The following ZFAND3 variants were observed in gnomAD, a reference collection of about 807,000 sequenced individuals.
ZFAND3 encodes AN1-type zinc finger protein 3.
ZFAND3 carries 10 observed loss-of-function variants against 29.6 expected under a neutral mutation model. The observed-to-expected ratio is 0.34, with a 90% CI of 0.21 to 0.57. The LOEUF is 0.57. ZFAND3 is among the 20% of genes least tolerant of loss of function. The pLI is 0.86. For synonymous variants in ZFAND3, 128 were observed against 112.6 expected (o/e 1.14, Z -0.87); for missense variants, 230 against 304.5 (o/e 0.76, Z 1.82).
rs181611545 is a variant in ZFAND3 at position 38,070,594 on chromosome 6, C to T, written c.295+8819C>T. On this transcript the variant is annotated intron_variant, in intron 3 of 5. Transcript: ENST00000287218. ...ACTATCCTTTTCTCTACTCTCTTCT[C>T]TGGAGGTTGTTTTTAATATTTCACT... is the stretch of plus-strand genomic sequence containing the variant. Among the ~76,000 whole-genome samples the T allele has an allele frequency of 2.7e-3, 415 of 152,128 alleles. 1 individual carries two copies. Among genetic ancestry groups the T allele is most frequent in the Middle Eastern group, 6.8e-3 (2 of 294 alleles).
At chr6:38,103,397 ATATATACACACACACG>A (rs1303104216) in intron 4 of ZFAND3, among the ~76,000 whole-genome samples, 3 of 147,522 alleles carry the variant, frequency 2.0e-5, no homozygotes, top group Admixed American at 1.3e-4. Context: ...ACACACACAT[ATATATACACACACACG>A]TATATACACA....
chr6:37,876,832 G>A (rs1764801985), intron 1 of ZFAND3, among the ~76,000 whole-genome samples: 1 of 152,174 alleles, frequency 6.6e-6, no homozygotes, highest in African/African-American at 2.4e-5. Flanking sequence ...TTTTGCCTGT[G>A]AGATTAAAAT....
intron 3 of ZFAND3, among the ~76,000 whole-genome samples, chr6:38,065,675 A>G (rs1449096095): frequency 6.6e-6 from 1 of 152,204 alleles, no homozygotes; most frequent in Non-Finnish European, 1.5e-5. Context: ...AGCTATTGCA[A>G]GGCAGTGAAG....
intron 1 of ZFAND3, among the ~76,000 whole-genome samples, chr6:37,908,915 A>G (rs1167572022): frequency 2.0e-5 from 3 of 152,184 alleles, no homozygotes; most frequent in African/African-American, 7.2e-5. Flanking sequence ...GGTCCTTGAA[A>G]TAATTATTAC....
chr6:37,972,204 T>G (rs970329030), intron 2 of ZFAND3, among the ~76,000 whole-genome samples: 1 of 152,122 alleles, frequency 6.6e-6, no homozygotes, highest in Non-Finnish European at 1.5e-5. Context: ...ACATTACCCA[T>G]TTTGCTTTTT....
intron 1 of ZFAND3, among the ~76,000 whole-genome samples, chr6:37,925,429 G>A (rs948473131): frequency 1.3e-5 from 2 of 152,174 alleles, no homozygotes; most frequent in Admixed American, 6.5e-5. Context: ...TCTGCTGGAC[G>A]CGGTGGCTCA....
At chr6:38,102,140 C>A (rs181323836) in intron 4 of ZFAND3, among the ~76,000 whole-genome samples, 26 of 152,120 alleles carry the variant, frequency 1.7e-4, no homozygotes, top group African/African-American at 5.1e-4. Context: ...TCTCCTCCTC[C>A]TCCTTCATCT....
intron 4 of ZFAND3, among the ~76,000 whole-genome samples, chr6:38,105,272 TG>T (rs1181425480): frequency 6.6e-6 from 1 of 152,070 alleles, no homozygotes. Context: ...CCAGGCATGG[TG>T]GGTCATGCCT....
intron 1 of ZFAND3, among the ~76,000 whole-genome samples, chr6:37,877,775 G>C (rs1218068240): frequency 6.6e-6 from 1 of 152,166 alleles, no homozygotes; most frequent in Non-Finnish European, 1.5e-5. Context: ...GCTTCTTCTG[G>C]GAACTACTGA....
chr6:37,918,691 G>A (rs1224656485), intron 1 of ZFAND3, among the ~76,000 whole-genome samples: 1 of 152,066 alleles, frequency 6.6e-6, no homozygotes, highest in Non-Finnish European at 1.5e-5. Context: ...AAAAATATTT[G>A]GCACTTGGGT....
Position 38,082,474 on chromosome 6 carries a change from T to C in ZFAND3, c.361+17T>C. ...GTGGTACAGGTATGTACGTCATTCT[T>C]ATGTGAATTCATCCTTATTTGAATT... On this transcript the variant is annotated intron_variant, in intron 4 of 5. Transcript: ENST00000287218. The C allele has an allele frequency of 1.2e-6, 2 of 1,607,048 alleles. No homozygotes were observed. Among genetic ancestry groups the C allele is most frequent in the Non-Finnish European group, 1.7e-6 (2 of 1,175,680 alleles).
chr6:38,072,513 T>C (rs1481168107), intron 3 of ZFAND3, among the ~76,000 whole-genome samples: 2 of 152,244 alleles, frequency 1.3e-5, no homozygotes, highest in Non-Finnish European at 2.9e-5. Context: ...AAAGGTCATG[T>C]AAACAACCAC....
intron 4 of ZFAND3, among the ~76,000 whole-genome samples, chr6:38,092,025 G>GAGAGC (rs1764883500): frequency 6.6e-6 from 1 of 152,188 alleles, no homozygotes; most frequent in South Asian, 2.1e-4. Context: ...TCTGTCTGAA[G>GAGAGC]AGATGGTCCC....
At chr6:38,019,148 C>T (rs904287716) in intron 2 of ZFAND3, among the ~76,000 whole-genome samples, 5 of 152,110 alleles carry the variant, frequency 3.3e-5, no homozygotes, top group Non-Finnish European at 7.4e-5. Context: ...TTAGTAGATA[C>T]AGGGTTTCAC....
In ZFAND3 at chr6:37,971,924, G is replaced by C. The variant is rs145225478; in HGVS notation, c.112+41925G>C. ...TTGAAGTGGGAGGATTGCTTGAGCC[G>C]TGATCTTGCCACTGCACTCCAGCCT... On this transcript the variant is annotated intron_variant, in intron 2 of 5. Coordinates refer to ENST00000287218, the MANE Select transcript of ZFAND3 (RefSeq NM_021943.3). Among the ~76,000 whole-genome samples the C allele has an allele frequency of 1.3e-4, 19 of 151,522 alleles. No homozygotes were observed. The East Asian group carries it at 3.5e-3, about 28-fold the overall frequency.
chr6:37,914,662 C>CT (rs1327923079), intron 1 of ZFAND3, among the ~76,000 whole-genome samples: 856 of 62,138 alleles, frequency 0.014, 11 homozygotes, highest in African/African-American at 0.053. Flanking sequence ...TTCTTTCTTT[C>CT]TTTTTTTTTC....
intron 5 of ZFAND3, among the ~76,000 whole-genome samples, chr6:38,140,647 G>A (rs1765930672): frequency 3.3e-5 from 5 of 152,276 alleles, no homozygotes; most frequent in Non-Finnish European, 2.9e-5. Context: ...GAGCCACCAT[G>A]CCCAGCTGTT....
chr6:38,082,082 G>T (rs1764673803), intron 3 of ZFAND3, among the ~76,000 whole-genome samples: 1 of 151,610 alleles, frequency 6.6e-6, no homozygotes, highest in African/African-American at 2.4e-5. Flanking sequence ...CTCTCACCCA[G>T]ATCTGAATTC....
intron 1 of ZFAND3, among the ~76,000 whole-genome samples, chr6:37,875,716 T>C (rs1764780600): frequency 6.6e-6 from 1 of 151,820 alleles, no homozygotes; most frequent in Admixed American, 6.6e-5. Context: ...TGGAGTGCAG[T>C]GGGGCAATCA....
Sources: allele counts gnomAD v4.1 joint callset (sites outside exome capture counted in the v4.1 genomes callset), GRCh38; gene constraint gnomAD v4.1.1; transcripts MANE v1.5; gene names NCBI Gene and HGNC (gene_info 2026-07-23, HGNC 2026-07-21).